L3MBTL4: variants seen among roughly 807,000 people sequenced by gnomAD.
L3MBTL4 encodes lethal(3)malignant brain tumor-like protein 4.
L3MBTL4 carries 70 observed loss-of-function variants against 84.5 expected under a neutral mutation model. The ratio of observed to expected loss-of-function variants is 0.83; its 90% CI spans 0.68 to 1.01. The LOEUF is 1.01. Among genes scored for constraint, L3MBTL4 ranks in the 50% least tolerant of loss-of-function variants. The probability of loss-of-function intolerance (pLI) is 0.00; values close to 1 mark genes in which losing one functional copy is unlikely to be tolerated. For synonymous variants in L3MBTL4, 274 were observed against 259.8 expected (o/e 1.05, Z -0.52); for missense variants, 715 against 754.8 (o/e 0.95, Z 0.62).
At chr18:6,119,132 C>T (rs2059450385) in intron 14 of L3MBTL4, among the ~76,000 whole-genome samples, 1 of 150,160 alleles carries the variant, frequency 6.7e-6, no homozygotes. Flanking sequence ...TTAACAATTA[C>T]AATCATACCA....
chr18:6,038,126 T>C (rs16949298), intron 16 of L3MBTL4, among the ~76,000 whole-genome samples: 30,704 of 152,112 alleles, frequency 0.2, 3,502 homozygotes, highest in East Asian at 0.33. Context: ...GGGATACTGA[T>C]TGAATATTTA....
At chr18:6,345,288 A>G (rs1311430419) in intron 1 of L3MBTL4, among the ~76,000 whole-genome samples, 1 of 151,244 alleles carries the variant, frequency 6.6e-6, no homozygotes, top group Non-Finnish European at 1.5e-5. Flanking sequence ...TCCCAGCTAT[A>G]TGGGAAGCTG....
At chr18:6,115,304 T>C (rs2059324040) in intron 14 of L3MBTL4, among the ~76,000 whole-genome samples, 2 of 152,062 alleles carry the variant, frequency 1.3e-5, no homozygotes, top group Non-Finnish European at 2.9e-5. Context: ...GGGTGCTGAG[T>C]GATTCAGTAG....
intron 14 of L3MBTL4, among the ~76,000 whole-genome samples, chr18:6,127,359 T>G (rs2059728137): frequency 6.6e-6 from 1 of 152,172 alleles, no homozygotes; most frequent in African/African-American, 2.4e-5. Flanking sequence ...AGACGATGCT[T>G]CTTCTTCCAG....
chr18:6,017,046 G>A (rs1200841300), intron 16 of L3MBTL4, among the ~76,000 whole-genome samples: 1 of 152,080 alleles, frequency 6.6e-6, no homozygotes, highest in Admixed American at 6.5e-5. Flanking sequence ...GCTGAGGGAT[G>A]AAGCCCACCA....
chr18:6,289,693 C>CT (rs1008527244), intron 4 of L3MBTL4, among the ~76,000 whole-genome samples: 9 of 150,108 alleles, frequency 6.0e-5, no homozygotes, highest in Middle Eastern at 3.5e-3. Flanking sequence ...TCTACTTCAA[C>CT]TTTTTTTTTT....
At chr18:6,152,622 G>A (rs2042945474) in intron 13 of L3MBTL4, among the ~76,000 whole-genome samples, 1 of 152,064 alleles carries the variant, frequency 6.6e-6, no homozygotes, top group Non-Finnish European at 1.5e-5. Flanking sequence ...TATTGAGTTA[G>A]ATGAATTCCT....
At chr18:6,204,607 A>G (rs2045793417) in intron 12 of L3MBTL4, among the ~76,000 whole-genome samples, 1 of 152,258 alleles carries the variant, frequency 6.6e-6, no homozygotes, top group South Asian at 2.1e-4. Flanking sequence ...ACATGATAGT[A>G]AATAAAAGCA....
chr18:6,237,848 G>C, intron 10 of L3MBTL4, 116 bp downstream of exon 10: 1 of 794,760 alleles, frequency 1.3e-6, no homozygotes, highest in South Asian at 1.5e-5. Context: ...CTCACATAGT[G>C]TTTTTATCAT....
At chr18:6,364,695 ATT>A (rs2053855258) in intron 1 of L3MBTL4, among the ~76,000 whole-genome samples, 1 of 152,286 alleles carries the variant, frequency 6.6e-6, no homozygotes, top group Admixed American at 6.5e-5. Flanking sequence ...AAAATGATAT[ATT>A]TTGTGGCATC....
At chr18:6,216,758 T>G (rs1487021105) in intron 10 of L3MBTL4, among the ~76,000 whole-genome samples, 1 of 152,196 alleles carries the variant, frequency 6.6e-6, no homozygotes, top group Non-Finnish European at 1.5e-5. Context: ...TTGTAATCTG[T>G]GTTGTCTTGA....
intron 16 of L3MBTL4, among the ~76,000 whole-genome samples, chr18:5,972,337 AG>A (rs1187466179): frequency 6.6e-6 from 1 of 152,198 alleles, no homozygotes; most frequent in Non-Finnish European, 1.5e-5. Context: ...TTGGTCTAGG[AG>A]GGAGTCCCTG....
intron 13 of L3MBTL4, among the ~76,000 whole-genome samples, chr18:6,167,142 C>T (rs569233222): frequency 2.0e-5 from 3 of 152,180 alleles, no homozygotes; most frequent in Non-Finnish European, 4.4e-5. Flanking sequence ...AGTTGAATCT[C>T]TGAATAGATC....
intron 16 of L3MBTL4, among the ~76,000 whole-genome samples, chr18:6,054,528 C>T (rs2056946951): frequency 1.3e-5 from 2 of 152,182 alleles, no homozygotes; most frequent in African/African-American, 2.4e-5. Flanking sequence ...CTCCGAGGCC[C>T]TCTGCCCTCG....
intron 16 of L3MBTL4, among the ~76,000 whole-genome samples, chr18:5,998,747 G>A (rs2054090181): frequency 6.6e-6 from 1 of 152,084 alleles, no homozygotes; most frequent in South Asian, 2.1e-4. Flanking sequence ...AACCTTTGCT[G>A]TTTTCCAGGA....
At chr18:6,337,167 T>C (rs1046012580) in intron 1 of L3MBTL4, among the ~76,000 whole-genome samples, 6 of 151,810 alleles carry the variant, frequency 4.0e-5, no homozygotes, top group Middle Eastern at 3.2e-3. Flanking sequence ...AGACATAAAA[T>C]GTAATTGGGA....
intron 1 of L3MBTL4, among the ~76,000 whole-genome samples, chr18:6,358,643 C>G (rs1228009340): frequency 6.6e-6 from 1 of 152,210 alleles, no homozygotes; most frequent in Non-Finnish European, 1.5e-5. Context: ...CTCCTCAAAC[C>G]AAATCCAAGA....
chr18:6,291,067 T>C (rs2049843941), intron 4 of L3MBTL4, among the ~76,000 whole-genome samples: 1 of 152,136 alleles, frequency 6.6e-6, no homozygotes, highest in South Asian at 2.1e-4. Flanking sequence ...CAAACCAGGA[T>C]GAGAAACTGA....
At chr18:6,273,833 G>A (rs1427760591) in intron 4 of L3MBTL4, among the ~76,000 whole-genome samples, 3 of 152,234 alleles carry the variant, frequency 2.0e-5, no homozygotes, top group Non-Finnish European at 2.9e-5. Flanking sequence ...GAGCTGGGAG[G>A]TGTGAGGGTA....
Sources: allele counts gnomAD v4.1 joint callset (sites outside exome capture counted in the v4.1 genomes callset), GRCh38; gene constraint gnomAD v4.1.1; transcripts MANE v1.5; gene names NCBI Gene and HGNC (gene_info 2026-07-23, HGNC 2026-07-21).